The following NCBP3 variants were observed in gnomAD, a reference collection of about 807,000 sequenced individuals.
The protein encoded by NCBP3 is nuclear cap-binding protein subunit 3.
In NCBP3, 20 loss-of-function variants were observed where a neutral mutation model predicts 75.7. The observed-to-expected ratio is 0.26, with a 90% confidence interval of 0.19 to 0.38. The LOEUF (loss-of-function observed/expected upper bound fraction) is 0.38, where lower values mean the gene tolerates loss of function less well. Ranked by LOEUF, NCBP3 falls within the 10% of genes least tolerant of loss-of-function variation. The probability of loss-of-function intolerance (pLI) is 1.00; values close to 1 mark genes in which losing one functional copy is unlikely to be tolerated. For missense variants in NCBP3, 678 were observed against 796.9 expected (o/e 0.85, Z 1.80); for synonymous variants, 293 against 290.5 (o/e 1.01, Z -0.09).
At chr17:3,844,736 A>G (rs547381007) in intron 1 of NCBP3, among the ~76,000 whole-genome samples, 1 of 152,254 alleles carries the variant, frequency 6.6e-6, no homozygotes, top group South Asian at 2.1e-4. Flanking sequence ...TGTAATCTCA[A>G]CTACTTGGGA....
chr17:3,833,559 C>A (rs2053921139), intron 3 of NCBP3, among the ~76,000 whole-genome samples: 1 of 151,970 alleles, frequency 6.6e-6, no homozygotes, highest in South Asian at 2.1e-4. Context: ...ATAATCCCAG[C>A]ACCTTGGGAG....
chr17:3,813,048 G>A lies in NCBP3; in HGVS notation c.1859C>T (p.Ser620Phe), dbSNP rs1238943388. The A allele has an allele frequency of 6.2e-7, 1 of 1,614,038 alleles. No homozygotes were observed. The highest frequency in any genetic ancestry group is 1.3e-5 in the African/African-American group (1 of 74,932). Residue 620 changes from serine (S) to phenylalanine (F), a missense_variant, in exon 13 of 13, where the codon TCC becomes TTC. Ser to Phe is a radical substitution (Grantham distance 155, BLOSUM62 -2). Around this residue, in one of 7 missense-constraint regions of NCBP3, gnomAD observed 365 missense variants for 392.7 expected, o/e 0.93. Transcript: ENST00000389005. ...CTGCCATAGGCCCCAGGGGCATCAG[G>A]ACTCTGCCTCTGAACCAGAGCTGCT... is the stretch of plus-strand genomic sequence containing the variant. The part of the protein sequence containing the change: ...RESSSGSEAE[S>F]
intron 12 of NCBP3, among the ~76,000 whole-genome samples, chr17:3,813,740 A>AGTTGTT (rs892680559): frequency 2.3e-4 from 35 of 152,154 alleles, no homozygotes; most frequent in African/African-American, 8.4e-4. Flanking sequence ...GGCAATTCAA[A>AGTTGTT]GTTGTTTTTG....
At chr17:3,820,998 A>C (rs2143657001) in intron 9 of NCBP3, among the ~76,000 whole-genome samples, 1 of 152,216 alleles carries the variant, frequency 6.6e-6, no homozygotes, top group South Asian at 2.1e-4. Context: ...GATCCTAAGG[A>C]AAGTTTTGTT....
intron 5 of NCBP3, 37 bp from the exon 6 acceptor site, chr17:3,825,880 A>G: frequency 6.7e-7 from 1 of 1,498,660 alleles, no homozygotes; most frequent in East Asian, 2.5e-5. Context: ...GAAACAAGAT[A>G]AAATATTTCA....
chr17:3,838,433 G>C (rs1296661396), intron 3 of NCBP3, among the ~76,000 whole-genome samples: 1 of 152,242 alleles, frequency 6.6e-6, no homozygotes, highest in Non-Finnish European at 1.5e-5. Flanking sequence ...AGCCACACCT[G>C]GCCTTCACAG....
In NCBP3 at chr17:3,804,059, G is replaced by A. The variant is rs1465157261; in HGVS notation, c.*8985C>T. 2.6e-5 allele frequency: 4 copies of A among 152,410 alleles called. No homozygotes were observed. The highest frequency in any genetic ancestry group is 7.2e-5 in the African/African-American group (3 of 41,584). The allele number at this position is 152,410 out of a possible 1,614,324, so 9.4% of individuals were successfully genotyped here. A position where few individuals can be genotyped will look rare whatever the true frequency, so the allele number is the denominator to read the frequency against. ...GCCACTGCACTCCACTTGGGTGACA[G>A]AGCGAGACTCCGTCTCAGAAAAAGT... On this transcript the variant is annotated 3_prime_UTR_variant, in exon 13 of 13. Coordinates refer to ENST00000389005, the MANE Select transcript of NCBP3 (RefSeq NM_001114118.3).
chr17:3,843,569 G>C (rs750565829), intron 1 of NCBP3, among the ~76,000 whole-genome samples: 12 of 152,098 alleles, frequency 7.9e-5, no homozygotes, highest in Admixed American at 2.6e-4. Context: ...TTTTTGAGAT[G>C]GAGTCTCACT....
At chr17:3,842,209 G>T (rs2054076674) in intron 2 of NCBP3, among the ~76,000 whole-genome samples, 2 of 152,196 alleles carry the variant, frequency 1.3e-5, no homozygotes, top group Non-Finnish European at 2.9e-5. Flanking sequence ...TGGATCACCT[G>T]AAGTCAGGAA....
At chr17:3,816,416 AATT>A in intron 10 of NCBP3, 146 bp from the exon 11 acceptor site, 1 of 749,564 alleles carries the variant, frequency 1.3e-6, no homozygotes, top group Non-Finnish European at 2.1e-6. Flanking sequence ...ATAAACTTAT[AATT>A]ATTTGCTTAT....
At chr17:3,819,485 G>A (rs1268539123) in intron 9 of NCBP3, among the ~76,000 whole-genome samples, 3 of 151,966 alleles carry the variant, frequency 2.0e-5, no homozygotes, top group South Asian at 4.2e-4. Flanking sequence ...GCGTGAACCC[G>A]GGAGGCGGAG....
Position 3,818,292 on chromosome 17 carries a change from G to A in NCBP3, c.1281C>T (p.Asp427=), listed in dbSNP as rs779245926. 2.1e-5 allele frequency: 33 copies of A among 1,598,054 alleles called. No individual in the cohort carries two copies. In the Admixed American group the frequency reaches 3.5e-4, roughly 17 times the overall value. ...TATTTTTCAACTGAGATTCCACTTCGTCAGCATACATAGTCATTTTCATGC... is the reference window on the plus strand; with the variant it reads ...TATTTTTCAACTGAGATTCCACTTCATCAGCATACATAGTCATTTTCATGC... ...KKSMKMTMYA[D]EVESQLKNIR... The change falls in exon 10 of 13, where the codon GAC becomes GAT. Residue 427 remains aspartate (D), a synonymous_variant. Coordinates refer to ENST00000389005, the MANE Select transcript of NCBP3 (RefSeq NM_001114118.3). This position sits in a 1 kb window ranked among gnomAD's most constrained non-coding sequence, Gnocchi z 4.7.
chr17:3,814,310 A>T lies in NCBP3; in HGVS notation c.1627+12T>A. 1 of 1,613,622 alleles carries T rather than the reference A, an allele frequency of 6.2e-7. No individual in the cohort carries two copies. The highest frequency in any genetic ancestry group is 8.5e-7 in the Non-Finnish European group (1 of 1,179,786). ...TGAATCCCCATTCCCATCCGTTTTA[A>T]GTGTTACCAACCTGATTTCTTCTCC... On this transcript the variant is annotated intron_variant, in intron 12 of 12. Transcript: ENST00000389005.
At chr17:3,820,499 A>C (rs2053640881) in intron 9 of NCBP3, among the ~76,000 whole-genome samples, 1 of 152,352 alleles carries the variant, frequency 6.6e-6, no homozygotes, top group Admixed American at 6.5e-5. Flanking sequence ...AAAAAGGAGA[A>C]AGAAACCCAA....
chr17:3,826,521 C>T (rs2053786535), intron 4 of NCBP3, among the ~76,000 whole-genome samples: 1 of 152,070 alleles, frequency 6.6e-6, no homozygotes, highest in Non-Finnish European at 1.5e-5. Flanking sequence ...GTCCCAGCTA[C>T]TTGGGAGGCC....
chr17:3,813,225 T>C lies in NCBP3; in HGVS notation c.1682A>G (p.Lys561Arg). ...SAPKTKEKNT[K>R]KVDHRAPGAE... The stretch of plus-strand genomic sequence containing the variant: ...GCCAGGCGCCCTGTGATCCACTTTC[T>C]TCGTATTCTTTTCTTTGGTCTTGGG... The change falls in exon 13 of 13, where the codon AAG becomes AGG. Residue 561 changes from lysine to arginine, a missense_variant. Lys to Arg is a conservative substitution (Grantham distance 26). Coordinates refer to ENST00000389005, the MANE Select transcript of NCBP3 (RefSeq NM_001114118.3). 1 of 1,614,272 alleles carries C rather than the reference T, an allele frequency of 6.2e-7. No individual in the cohort carries two copies. The highest frequency in any genetic ancestry group is 8.5e-7 in the Non-Finnish European group (1 of 1,180,054).
At position 3,818,464 on chromosome 17, in the gene NCBP3, A is replaced by G; in HGVS notation, c.1109T>C (p.Val370Ala). 2 of 1,613,902 alleles carry G rather than the reference A, an allele frequency of 1.2e-6. No individual in the cohort carries two copies. The highest frequency in any genetic ancestry group is 1.7e-6 in the Non-Finnish European group (2 of 1,179,990). The change falls in exon 10 of 13, where the codon GTG becomes GCG. Residue 370 changes from valine (V) to alanine (A), a missense_variant. Val to Ala is a moderately conservative substitution (Grantham distance 64, BLOSUM62 0). This residue lies in a region of NCBP3 where 365 missense variants were observed against 392.7 expected (regional missense o/e 0.93). Transcript: ENST00000389005. This position sits in a 1 kb window ranked among gnomAD's most constrained non-coding sequence, Gnocchi z 4.7. ...DQDMDADDRV[V>A]VEYHEELPAL... Reference sequence around the variant, plus strand: ...CGGGAGCTCCTCGTGGTACTCTACCACCACTCTGTCATCTGCATCCATGTC... The same window carrying G: ...CGGGAGCTCCTCGTGGTACTCTACCGCCACTCTGTCATCTGCATCCATGTC...
rs764077449 is a variant in NCBP3 at position 3,818,511 on chromosome 17, C to T, written c.1062G>A (p.Glu354=). 3.7e-6 allele frequency: 6 copies of T among 1,612,844 alleles called. No homozygotes were observed. Among genetic ancestry groups the T allele is most frequent in the Non-Finnish European group, 5.1e-6 (6 of 1,179,918 alleles). The change falls in exon 10 of 13, where the codon GAG becomes GAA. Residue 354 remains glutamate, a synonymous_variant. Coordinates refer to ENST00000389005, the MANE Select transcript of NCBP3 (RefSeq NM_001114118.3). This position sits in a 1 kb window ranked among gnomAD's most constrained non-coding sequence, Gnocchi z 4.7. ...EEEEEEEEEE[E]EEEEEDQDMD... ...TGTCCTGGTCTTCTTCTTCCTCTTCCTCTTCCTCCTCCTCCTCCTCTTCCT... is the reference window on the plus strand; with the variant it reads ...TGTCCTGGTCTTCTTCTTCCTCTTCTTCTTCCTCCTCCTCCTCCTCTTCCT...
At chr17:3,813,690 G>GA (rs781480850) in intron 12 of NCBP3, among the ~76,000 whole-genome samples, 3 of 152,194 alleles carry the variant, frequency 2.0e-5, no homozygotes, top group Non-Finnish European at 2.9e-5. Flanking sequence ...TAACAATAGA[G>GA]AAATACGTGT....
Sources: allele counts gnomAD v4.1 joint callset (sites outside exome capture counted in the v4.1 genomes callset), GRCh38; gene constraint gnomAD v4.1.1; regional missense constraint gnomAD v4.1.1; non-coding constraint Gnocchi (gnomAD v3.1); transcripts MANE v1.5; gene names NCBI Gene and HGNC (gene_info 2026-07-23, HGNC 2026-07-21).